APCDD1L: variants seen among roughly 807,000 people sequenced by gnomAD.
APCDD1L encodes protein APCDD1-like.
A neutral mutation model predicts 24.2 loss-of-function variants in APCDD1L; 21 were observed. The observed-to-expected ratio is 0.87, with a 90% CI of 0.61 to 1.25. The LOEUF is 1.25. Among genes scored for constraint, APCDD1L ranks in the 50% most tolerant of loss-of-function variants. The pLI is 0.00. For missense variants in APCDD1L, 704 were observed against 711.7 expected, an observed-to-expected ratio of 0.99 and a Z score of 0.12; for synonymous variants, 321 against 323.6, an observed-to-expected ratio of 0.99 and a Z score of 0.09.
intron 1 of APCDD1L, chr20:58,514,048 C>T (rs139621872): frequency 9.6e-7 from 1 of 1,042,628 alleles, no homozygotes; most frequent in East Asian, 6.1e-5. Context: ...TACTCCCCAC[C>T]CCCACGAAGA....
intron 1 of APCDD1L, among the ~76,000 whole-genome samples, chr20:58,509,774 A>G (rs886378382): frequency 6.6e-6 from 1 of 152,216 alleles, no homozygotes; most frequent in African/African-American, 2.4e-5. Flanking sequence ...TACTCGCATC[A>G]TCCAGCTAGA....
At position 58,472,647 on chromosome 20, in the gene APCDD1L, A is replaced by G. The variant is rs139371413; in HGVS notation, c.50-1900T>C. ...ATCCTGCAACTGATTTATTGGCTTT[A>G]ATTAGCCAAATAGGAGAAATGAAAA... On this transcript the variant is annotated intron_variant, in intron 1 of 3. Coordinates refer to ENST00000371149, the MANE Select transcript of APCDD1L (RefSeq NM_153360.3). 1.9e-3 allele frequency among the ~76,000 whole-genome samples: 289 copies of G among 152,276 alleles called. 8 individuals carry two copies. In the South Asian group the frequency reaches 0.031, roughly 16 times the overall value.
intron 1 of APCDD1L, among the ~76,000 whole-genome samples, chr20:58,512,881 G>A (rs1990654418): frequency 6.6e-6 from 1 of 150,632 alleles, no homozygotes; most frequent in East Asian, 1.9e-4. Context: ...TCTGAATTGA[G>A]GGCAGGCTGC....
intron 1 of APCDD1L, among the ~76,000 whole-genome samples, chr20:58,484,992 G>A (rs1435279846): frequency 2.0e-5 from 3 of 148,660 alleles, no homozygotes; most frequent in Admixed American, 6.7e-5. Context: ...TATCCACATC[G>A]TTTTGCATTT....
At chr20:58,504,019 C>A (rs1476210250) in intron 1 of APCDD1L, among the ~76,000 whole-genome samples, 1 of 152,180 alleles carries the variant, frequency 6.6e-6, no homozygotes, top group East Asian at 1.9e-4. Flanking sequence ...AGATGAAGCA[C>A]CTTGACTGAC....
In APCDD1L at chr20:58,479,593, CTTTTTT is replaced by C. The variant is rs10580833; in HGVS notation, c.50-8852_50-8847del. Among the ~76,000 whole-genome samples the C allele has an allele frequency of 5.4e-3, 682 of 125,412 alleles. 8 individuals are homozygous for C. Among genetic ancestry groups the C allele is most frequent in the African/African-American group, 0.019 (641 of 34,514 alleles). 82.3% of individuals were successfully genotyped at this position (125,412 alleles called of 152,430 possible). A position where few individuals can be genotyped will look rare whatever the true frequency, so the allele number is the denominator to read the frequency against. ...ATACTGAGGTTTGGATTAAGATTTG[CTTTTTT>C]TTTTTTTTTTTTTCTTAAAATATCT... is the stretch of plus-strand genomic sequence containing the variant. On this transcript the variant is annotated intron_variant, in intron 1 of 3. Coordinates refer to ENST00000371149, the MANE Select transcript of APCDD1L (RefSeq NM_153360.3).
At chr20:58,487,075 T>TG (rs1214180230) in intron 1 of APCDD1L, among the ~76,000 whole-genome samples, 1 of 151,966 alleles carries the variant, frequency 6.6e-6, no homozygotes, top group African/African-American at 2.4e-5. Flanking sequence ...TTGGCCAGGC[T>TG]GGGAAGGTCT....
intron 1 of APCDD1L, among the ~76,000 whole-genome samples, chr20:58,472,555 A>G (rs1426050865): frequency 6.6e-6 from 1 of 152,256 alleles, no homozygotes. Flanking sequence ...ACATTGGCCG[A>G]CTGAATAAAC....
chr20:58,514,176 C>A (rs1568757877), intron 1 of APCDD1L, among the ~76,000 whole-genome samples: 1 of 152,172 alleles, frequency 6.6e-6, no homozygotes, highest in Admixed American at 6.5e-5. Context: ...GGGGTCACTG[C>A]GCGCTCCCTA....
intron 3 of APCDD1L, among the ~76,000 whole-genome samples, chr20:58,462,300 G>A (rs1217174992): frequency 6.6e-6 from 1 of 152,132 alleles, no homozygotes; most frequent in Non-Finnish European, 1.5e-5. Flanking sequence ...TGAGGGAGCT[G>A]AGACCCAGAG....
intron 1 of APCDD1L, among the ~76,000 whole-genome samples, chr20:58,513,317 G>C (rs574138175): frequency 2.7e-4 from 41 of 152,300 alleles, no homozygotes; most frequent in Non-Finnish European, 4.9e-4. Context: ...GGGTGAGGTG[G>C]TCTATTTTCA....
intron 1 of APCDD1L, among the ~76,000 whole-genome samples, chr20:58,479,100 C>A (rs1021707924): frequency 1.3e-5 from 2 of 152,144 alleles, no homozygotes; most frequent in African/African-American, 4.8e-5. Flanking sequence ...ATAATGCAAG[C>A]CATAAATGTC....
In APCDD1L at chr20:58,470,702, C is replaced by T. The variant is rs375466344; in HGVS notation, c.95G>A (p.Arg32His). 1.3e-4 allele frequency: 206 copies of T among 1,548,956 alleles called. No individual in the cohort carries two copies. The highest frequency in any genetic ancestry group is 4.7e-4 in the Admixed American group (24 of 51,108). Residue 32 changes from arginine (R) to histidine (H), a missense_variant, in exon 2 of 4, where the codon CGC becomes CAC. Arg to His is a conservative substitution (Grantham distance 29). Coordinates refer to ENST00000371149, the MANE Select transcript of APCDD1L (RefSeq NM_153360.3). The stretch of plus-strand genomic sequence containing the variant: ...GGGCTGCTGGCAGTGGGGTTCCCAG[C>T]GCAGGCAGCTGCCCCCGGCCTCCCC... ...AAGEAGGSCL[R>H]WEPHCQQPLP...
intron 2 of APCDD1L, among the ~76,000 whole-genome samples, chr20:58,468,612 G>C (rs1363566674): frequency 1.3e-5 from 2 of 152,142 alleles, no homozygotes; most frequent in Non-Finnish European, 2.9e-5. Flanking sequence ...TTGTCACCCA[G>C]GCTGGAATGC....
At chr20:58,498,163 A>G (rs1990360320) in intron 1 of APCDD1L, among the ~76,000 whole-genome samples, 1 of 152,232 alleles carries the variant, frequency 6.6e-6, no homozygotes, top group Non-Finnish European at 1.5e-5. Flanking sequence ...TGTTTCAAAA[A>G]AATACATTAT....
At chr20:58,511,919 C>T (rs749669198) in intron 1 of APCDD1L, among the ~76,000 whole-genome samples, 4 of 151,880 alleles carry the variant, frequency 2.6e-5, no homozygotes, top group Non-Finnish European at 5.9e-5. Context: ...AATACAAGTT[C>T]GAAAAAAAAG....
Position 58,467,624 on chromosome 20 carries a change from G to A in APCDD1L, c.223C>T (p.Arg75Cys), listed in dbSNP as rs773915176. 8.5e-5 allele frequency: 130 copies of A among 1,524,276 alleles called. No individual in the cohort carries two copies. Among genetic ancestry groups the A allele is most frequent in the Non-Finnish European group, 1.1e-4 (127 of 1,131,452 alleles). The allele number at this position is 1,524,276 out of a possible 1,614,324, so 94.4% of individuals were successfully genotyped here. ...EVRPGPEFLT[R>C]AYTFYPSRLF... The stretch of plus-strand genomic sequence containing the variant: ...CGGCTGGGGTAGAAGGTGTAGGCGC[G>A]GGTCAGGAACTCCGGTCCTGGGCGC... Residue 75 changes from arginine to cysteine, a missense_variant, in exon 3 of 4, where the codon CGC (arginine) becomes TGC (cysteine). Physicochemically the swap from Arg to Cys is radical, Grantham distance 180. Coordinates refer to ENST00000371149, the MANE Select transcript of APCDD1L (RefSeq NM_153360.3). This position sits in a 1 kb window ranked among gnomAD's most constrained non-coding sequence, Gnocchi z 5.9.
Position 58,497,679 on chromosome 20 carries a change from C to T in APCDD1L, c.49+16980G>A, listed in dbSNP as rs543510799. 1.1e-3 allele frequency among the ~76,000 whole-genome samples: 161 copies of T among 152,258 alleles called. 1 individual carries two copies. Among genetic ancestry groups the T allele is most frequent in the African/African-American group, 3.8e-3 (157 of 41,532 alleles). On this transcript the variant is annotated intron_variant, in intron 1 of 3. Transcript: ENST00000371149. This position sits in a 1 kb window ranked among gnomAD's most constrained non-coding sequence, Gnocchi z 4.3. ...GAATGGCCTCATTTTAACTTGATGA[C>T]CTCTGCAAAGACCCTGTCTCTAAAT...
intron 3 of APCDD1L, among the ~76,000 whole-genome samples, chr20:58,465,037 G>T (rs1250107688): frequency 6.6e-6 from 1 of 152,110 alleles, no homozygotes; most frequent in East Asian, 1.9e-4. Flanking sequence ...GACAGCCATG[G>T]CCCCAGAGTC....
Sources: gnomAD v4.1 joint callset for allele counts (sites outside exome capture counted in the v4.1 genomes callset) on GRCh38, gnomAD v4.1.1 for gene constraint, Gnocchi (gnomAD v3.1) non-coding constraint, MANE v1.5 for transcripts, NCBI Gene and HGNC (gene_info 2026-07-23, HGNC 2026-07-21) for gene names.